The following VSTM1 variants were observed in gnomAD, a reference collection of about 807,000 sequenced individuals.
VSTM1 encodes V-set and transmembrane domain-containing protein 1.
In VSTM1, 27 loss-of-function variants were observed where a neutral mutation model predicts 33.1. That is an observed-to-expected ratio of 0.82 (90% CI 0.60 to 1.12). VSTM1 has a LOEUF of 1.12. VSTM1 is among the 50% of genes most tolerant of loss of function. VSTM1 has a pLI of 0.00. For missense variants in VSTM1, 304 were observed against 288.9 expected (o/e 1.05, Z -0.38); for synonymous variants, 115 against 110.3 (o/e 1.04, Z -0.27).
At chr19:54,058,006 G>T (rs8112468) in intron 3 of VSTM1, among the ~76,000 whole-genome samples, 6 of 151,602 alleles carry the variant, frequency 4.0e-5, no homozygotes, top group Non-Finnish European at 5.9e-5. Flanking sequence ...TTTGGGAGGC[G>T]GAGGCAGGTG....
chr19:54,061,016 C>CTTTTTTTTT (rs10693760), intron 1 of VSTM1, among the ~76,000 whole-genome samples: 7 of 115,048 alleles, frequency 6.1e-5, no homozygotes, highest in Non-Finnish European at 1.0e-4. Flanking sequence ...TTTTTCTTTT[C>CTTTTTTTTT]TTTTTTTTTT....
At chr19:54,059,173 G>T (rs1481379773) in intron 1 of VSTM1, among the ~76,000 whole-genome samples, 2 of 146,556 alleles carry the variant, frequency 1.4e-5, no homozygotes, top group African/African-American at 2.5e-5. Context: ...CAATTTTCCT[G>T]CCTCAGCCTC....
chr19:54,052,291 G>A lies in VSTM1; in HGVS notation c.356-843C>T, dbSNP rs1013579497. Among the ~76,000 whole-genome samples the A allele has an allele frequency of 3.4e-5, 5 of 146,728 alleles. 1 individual carries two copies. Among genetic ancestry groups the A allele is most frequent in the South Asian group, 4.4e-4 (2 of 4,500 alleles). ...CGGGCCCCTGTAGTCCCAGCTACTC[G>A]GGAGGCTGAGGCAGGAGAATGGCGT... is the stretch of plus-strand genomic sequence containing the variant. On this transcript the variant is annotated intron_variant, in intron 3 of 8. Coordinates refer to ENST00000338372, the MANE Select transcript of VSTM1 (RefSeq NM_198481.4).
intron 4 of VSTM1, among the ~76,000 whole-genome samples, chr19:54,047,589 C>T (rs1483587596): frequency 4.6e-5 from 7 of 152,084 alleles, no homozygotes; most frequent in Admixed American, 4.6e-4. Flanking sequence ...CATGCCTGGC[C>T]ATAAGCAACA....
chr19:54,042,283 G>A lies in VSTM1; in HGVS notation c.481C>T (p.Gln161Ter). The A allele has an allele frequency of 6.2e-7, 1 of 1,613,928 alleles. No individual in the cohort carries two copies. The highest frequency in any genetic ancestry group is 8.5e-7 in the Non-Finnish European group (1 of 1,179,990). Residue 161 changes from glutamine to a stop codon, truncating the protein, a stop_gained, in exon 5 of 9, where the codon CAG (glutamine) becomes TAG (stop). Coordinates refer to ENST00000338372, the MANE Select transcript of VSTM1 (RefSeq NM_198481.4). LOFTEE classifies it high-confidence loss of function. ...TTGCGTTCTCTGAGCTCACTGTGCT[G>A]GCTGCATCTGTAGATGATGAAGACT... ...LSVFIIYRCS[Q>*]HSSSSEESTK...
At chr19:54,055,344 G>A (rs1428351282) in intron 3 of VSTM1, among the ~76,000 whole-genome samples, 2 of 141,918 alleles carry the variant, frequency 1.4e-5, no homozygotes, top group African/African-American at 5.2e-5. Flanking sequence ...ACACCGGGGA[G>A]GTCACCTAAT....
chr19:54,062,383 T>G lies in VSTM1; in HGVS notation c.34+1361A>C, dbSNP rs530982346. 2.6e-5 allele frequency among the ~76,000 whole-genome samples: 4 copies of G among 152,290 alleles called. No individual in the cohort carries two copies. The South Asian group carries it at 8.3e-4, about 32-fold the overall frequency. On this transcript the variant is annotated intron_variant, in intron 1 of 8. Transcript: ENST00000338372. The stretch of plus-strand genomic sequence containing the variant: ...TCAGTCTCCTGGTTGCCCAGCTTAC[T>G]GTGCTCAGCAGCTGGAGGCTTGGGT...
chr19:54,051,513 C>G lies in VSTM1; in HGVS notation c.356-65G>C, dbSNP rs1210373681. On this transcript the variant is annotated intron_variant, in intron 3 of 8. Coordinates refer to ENST00000338372, the MANE Select transcript of VSTM1 (RefSeq NM_198481.4). ...TACAGGAACCTTGGGGACAGGAGTC[C>G]TCACGTCCTACTTATAGACATCCTG... 6 of 1,322,954 alleles carry G rather than the reference C, an allele frequency of 4.5e-6. No homozygotes were observed. The African/African-American group carries it at 7.6e-5, about 17-fold the overall frequency. 82.0% of individuals were successfully genotyped at this position (1,322,954 alleles called of 1,614,324 possible).
intron 4 of VSTM1, among the ~76,000 whole-genome samples, chr19:54,050,370 A>C (rs1359231750): frequency 1.3e-5 from 2 of 152,098 alleles, no homozygotes; most frequent in African/African-American, 4.8e-5. Context: ...AAGCAACATT[A>C]GAAAAAAAAT....
Position 54,059,939 on chromosome 19 carries a change from C to G in VSTM1, c.35-1207G>C, listed in dbSNP as rs187650135. On this transcript the variant is annotated intron_variant, in intron 1 of 8. Transcript: ENST00000338372. ...CTCGGCTCACCGCAAGCTCTGCCTC[C>G]CGGGTTCACGCCATTCTCCTGCCTC... Among the ~76,000 whole-genome samples, 16 of 151,998 alleles carry G rather than the reference C, an allele frequency of 1.1e-4. No individual in the cohort carries two copies. The East Asian group carries it at 2.9e-3, about 28-fold the overall frequency.
chr19:54,041,548 G>A (rs1300432057), intron 8 of VSTM1, among the ~76,000 whole-genome samples: 4 of 152,000 alleles, frequency 2.6e-5, no homozygotes, highest in East Asian at 1.9e-4. Flanking sequence ...TGATCCGCCC[G>A]CCTCGGCCTC....
chr19:54,059,191 G>A lies in VSTM1; in HGVS notation c.35-459C>T, dbSNP rs191306799. 5.6e-3 allele frequency among the ~76,000 whole-genome samples: 844 copies of A among 151,060 alleles called. 8 individuals carry two copies. Among genetic ancestry groups the A allele is most frequent in the African/African-American group, 0.019 (786 of 41,166 alleles). On this transcript the variant is annotated intron_variant, in intron 1 of 8. Coordinates refer to ENST00000338372, the MANE Select transcript of VSTM1 (RefSeq NM_198481.4). Reference sequence around the variant, plus strand: ...TTTTCCTGCCTCAGCCTCCCGAGTAGCTGGGACTACAGGCACCCGCCACCA... The same window carrying A: ...TTTTCCTGCCTCAGCCTCCCGAGTAACTGGGACTACAGGCACCCGCCACCA...
intron 4 of VSTM1, among the ~76,000 whole-genome samples, chr19:54,045,798 T>TCTAG (rs1380679236): frequency 6.6e-6 from 1 of 151,850 alleles, no homozygotes; most frequent in African/African-American, 2.4e-5. Flanking sequence ...TATCTATCTA[T>TCTAG]CTAGCTAGCT....
chr19:54,055,633 G>T (rs1428197720), intron 3 of VSTM1: 3 of 142,780 alleles, frequency 2.1e-5, no homozygotes, highest in African/African-American at 5.2e-5. Context: ...AATCAGTCTG[G>T]TTTTTTCTTA....
chr19:54,041,178 T>A, intron 8 of VSTM1, 98 bp from the exon 9 acceptor site: 1 of 1,320,258 alleles, frequency 7.6e-7, no homozygotes. Context: ...CAATTAAATT[T>A]AATTTAAAAC....
At chr19:54,046,470 C>T (rs1379044246) in intron 4 of VSTM1, among the ~76,000 whole-genome samples, 1 of 152,056 alleles carries the variant, frequency 6.6e-6, no homozygotes, top group Non-Finnish European at 1.5e-5. Context: ...AGCGCTCAGT[C>T]TAGAAACTGA....
chr19:54,048,175 GCGCAAT>G (rs2070687298), intron 4 of VSTM1, among the ~76,000 whole-genome samples: 1 of 152,092 alleles, frequency 6.6e-6, no homozygotes, highest in Admixed American at 6.6e-5. Flanking sequence ...GAGTGCTGTG[GCGCAAT>G]CACAGTTCAC....
chr19:54,047,904 C>G (rs937876660), intron 4 of VSTM1, among the ~76,000 whole-genome samples: 28 of 152,142 alleles, frequency 1.8e-4, no homozygotes, highest in African/African-American at 6.8e-4. Context: ...TCATAACTTG[C>G]TACGCTACTA....
chr19:54,060,469 C>G (rs565847009), intron 1 of VSTM1, among the ~76,000 whole-genome samples: 1 of 152,236 alleles, frequency 6.6e-6, no homozygotes, highest in South Asian at 2.1e-4. Flanking sequence ...CGTGACCCCC[C>G]ACCAAGCTTC....
Sources: allele counts gnomAD v4.1 joint callset (sites outside exome capture counted in the v4.1 genomes callset), GRCh38; gene constraint gnomAD v4.1.1; transcripts MANE v1.5; gene names NCBI Gene and HGNC (gene_info 2026-07-23, HGNC 2026-07-21).